Variants in ABI3BP observed in about 807,000 individuals in gnomAD.
The protein encoded by ABI3BP is target of Nesh-SH3.
A neutral mutation model predicts 268.6 loss-of-function variants in ABI3BP; 216 were observed. The ratio of observed to expected loss-of-function variants is 0.80; its 90% CI spans 0.72 to 0.90. The LOEUF is 0.90. ABI3BP is among the 40% of genes least tolerant of loss of function. The pLI is 0.00. For missense variants in ABI3BP, 2,090 were observed against 2,182.4 expected, an observed-to-expected ratio of 0.96 and a Z score of 0.84; for synonymous variants, 730 against 730.0, an observed-to-expected ratio of 1.00 and a Z score of 0.00.
At chr3:100,917,482 A>G (rs888670337) in intron 2 of ABI3BP, among the ~76,000 whole-genome samples, 4 of 152,166 alleles carry the variant, frequency 2.6e-5, no homozygotes, top group African/African-American at 7.2e-5. Context: ...GCTATCTTAT[A>G]TATCTATTCC....
intron 1 of ABI3BP, among the ~76,000 whole-genome samples, chr3:100,986,961 AT>A (rs1407318404): frequency 6.6e-6 from 1 of 151,764 alleles, no homozygotes; most frequent in Non-Finnish European, 1.5e-5. Flanking sequence ...GATACTATTT[AT>A]TTTTACTTTT....
chr3:100,830,088 C>A (rs1343014615), intron 32 of ABI3BP, among the ~76,000 whole-genome samples: 1 of 98,272 alleles, frequency 1.0e-5, no homozygotes, highest in East Asian at 3.1e-4. Context: ...TGGCTATATA[C>A]ATATACATAC....
Position 100,874,876 on chromosome 3 carries a change from AT to A in ABI3BP, c.874del (p.Met292CysfsTer12). ...CTTGAGTGCATCTGAAATCTCAAAC[AT>A]TAGGGATGCAGGAAGTTTTACAGTA... is the stretch of plus-strand genomic sequence containing the variant. Reference protein sequence around the residue: ...ETTVKLPASLMFEISDALKTQ... With the variant: ...ETTVKLPASLXFEISDALKTQ... On this transcript the variant is annotated frameshift_variant, in exon 9 of 68. Coordinates refer to ENST00000471714, the MANE Select transcript of ABI3BP (RefSeq NM_001375547.2). LOFTEE classifies it high-confidence loss of function. 1 of 1,601,086 alleles carries A rather than the reference AT, an allele frequency of 6.2e-7. No individual in the cohort carries two copies. The highest frequency in any genetic ancestry group is 8.5e-7 in the Non-Finnish European group (1 of 1,172,784).
chr3:100,776,431 G>A (rs1214833539), intron 59 of ABI3BP, among the ~76,000 whole-genome samples: 1 of 152,200 alleles, frequency 6.6e-6, no homozygotes, highest in African/African-American at 2.4e-5. Context: ...GGAAATGCTG[G>A]CATAGCATAG....
chr3:100,990,291 T>C (rs1024633450), intron 1 of ABI3BP, among the ~76,000 whole-genome samples: 60 of 152,300 alleles, frequency 3.9e-4, no homozygotes, highest in African/African-American at 1.4e-3. Flanking sequence ...CAGACTTGTG[T>C]CTCTTATCTC....
intron 9 of ABI3BP, among the ~76,000 whole-genome samples, chr3:100,873,687 A>G (rs1290332182): frequency 1.3e-5 from 2 of 152,194 alleles, no homozygotes; most frequent in Non-Finnish European, 2.9e-5. Context: ...CCTCTCTCTC[A>G]GCCAAAAAAG....
At chr3:100,771,728 T>C (rs2096551538) in intron 61 of ABI3BP, among the ~76,000 whole-genome samples, 1 of 151,878 alleles carries the variant, frequency 6.6e-6, no homozygotes, top group East Asian at 1.9e-4. Context: ...GGAGAGAAGA[T>C]AAACATTAAA....
intron 49 of ABI3BP, among the ~76,000 whole-genome samples, chr3:100,809,270 C>A (rs567839629): frequency 1.3e-5 from 2 of 151,980 alleles, no homozygotes; most frequent in Admixed American, 6.6e-5. Context: ...TTTTAAAGAA[C>A]CCTTCCAATC....
intron 60 of ABI3BP, among the ~76,000 whole-genome samples, chr3:100,774,905 T>C (rs1214874543): frequency 2.0e-5 from 3 of 152,344 alleles, no homozygotes; most frequent in South Asian, 2.1e-4. Flanking sequence ...GTGGTTAATA[T>C]GCACTAATAA....
intron 58 of ABI3BP, among the ~76,000 whole-genome samples, chr3:100,779,162 G>C (rs1308970598): frequency 6.6e-6 from 1 of 152,120 alleles, no homozygotes; most frequent in Non-Finnish European, 1.5e-5. Flanking sequence ...AAACCCTTTA[G>C]AACTTCTCAA....
At chr3:100,877,298 C>T (rs1240785454) in intron 6 of ABI3BP, among the ~76,000 whole-genome samples, 1 of 152,192 alleles carries the variant, frequency 6.6e-6, no homozygotes, top group African/African-American at 2.4e-5. Flanking sequence ...CCAATTGCTG[C>T]TGCTGCTGCT....
At chr3:100,911,142 T>G in intron 2 of ABI3BP, 1 of 362,358 alleles carries the variant, frequency 2.8e-6, no homozygotes, top group Non-Finnish European at 5.4e-6. Flanking sequence ...ATCTGTCATC[T>G]AAGTCTAAGG....
intron 1 of ABI3BP, among the ~76,000 whole-genome samples, chr3:100,977,524 G>C (rs906406318): frequency 6.6e-6 from 1 of 152,176 alleles, no homozygotes; most frequent in African/African-American, 2.4e-5. Flanking sequence ...ATATAGGCAC[G>C]AAATCTAAGC....
At chr3:100,952,538 G>A (rs547938689) in intron 1 of ABI3BP, 148 of 152,242 alleles carry the variant, frequency 9.7e-4, no homozygotes, top group African/African-American at 3.4e-3. Context: ...CATGGAATAT[G>A]CTATTTGATC....
At chr3:100,937,320 AG>A (rs1463222172) in intron 1 of ABI3BP, among the ~76,000 whole-genome samples, 1 of 152,058 alleles carries the variant, frequency 6.6e-6, no homozygotes, top group African/African-American at 2.4e-5. Flanking sequence ...TTTCATTCCT[AG>A]GTATTTACTC....
chr3:100,908,065 G>A (rs565474230), intron 2 of ABI3BP, among the ~76,000 whole-genome samples: 1 of 151,012 alleles, frequency 6.6e-6, no homozygotes, highest in East Asian at 1.9e-4. Flanking sequence ...GCAGTGAGCC[G>A]AGATCGTGCC....
At chr3:100,980,059 GA>G (rs1691739747) in intron 1 of ABI3BP, among the ~76,000 whole-genome samples, 1 of 152,100 alleles carries the variant, frequency 6.6e-6, no homozygotes, top group Non-Finnish European at 1.5e-5. Flanking sequence ...CACAAAATGG[GA>G]TAATGTTCAA....
At chr3:100,967,202 A>C (rs1585176719) in intron 1 of ABI3BP, among the ~76,000 whole-genome samples, 1 of 152,132 alleles carries the variant, frequency 6.6e-6, no homozygotes, top group African/African-American at 2.4e-5. Flanking sequence ...AATTTTGTTA[A>C]ATCAAATATT....
chr3:100,869,786 G>A (rs937730339), intron 9 of ABI3BP, among the ~76,000 whole-genome samples: 7 of 152,110 alleles, frequency 4.6e-5, no homozygotes, highest in African/African-American at 1.2e-4. Flanking sequence ...CTGCAATCTT[G>A]GCAATAGGAA....
Sources: allele counts gnomAD v4.1 joint callset (sites outside exome capture counted in the v4.1 genomes callset), GRCh38; gene constraint gnomAD v4.1.1; transcripts MANE v1.5; gene names NCBI Gene and HGNC (gene_info 2026-07-23, HGNC 2026-07-21).